The following KIRREL3 variants were observed in gnomAD, a reference collection of about 807,000 sequenced individuals.
The protein encoded by KIRREL3 is kirre like nephrin family adhesion molecule 3, also known as kin of IRRE-like protein 3.
In KIRREL3, 36 loss-of-function variants were observed where a neutral mutation model predicts 89.7. The observed-to-expected ratio is 0.40, with a 90% CI of 0.31 to 0.53. The LOEUF is 0.53. KIRREL3 is among the 20% of genes least tolerant of loss of function. The pLI is 0.49. For synonymous variants in KIRREL3, 445 were observed against 441.4 expected, an observed-to-expected ratio of 1.01 and a Z score of -0.10; for missense variants, 864 against 1,056.6, an observed-to-expected ratio of 0.82 and a Z score of 2.53.
intron 4 of KIRREL3, among the ~76,000 whole-genome samples, chr11:126,509,510 C>T (rs989192736): frequency 1.3e-5 from 2 of 152,214 alleles, no homozygotes; most frequent in African/African-American, 4.8e-5. Context: ...TCAGGTTCTC[C>T]ATCCTCTTTT....
chr11:126,938,691 ACT>A (rs1948308978), intron 1 of KIRREL3, among the ~76,000 whole-genome samples: 1 of 152,188 alleles, frequency 6.6e-6, no homozygotes, highest in Non-Finnish European at 1.5e-5. Context: ...CAACTGTCAT[ACT>A]CTAAACTGTA....
At chr11:126,743,676 G>A (rs957516086) in intron 1 of KIRREL3, among the ~76,000 whole-genome samples, 2 of 152,172 alleles carry the variant, frequency 1.3e-5, no homozygotes, top group African/African-American at 4.8e-5. Context: ...CCTTATTTAT[G>A]CAATTTACTT....
chr11:126,571,779 A>G lies in KIRREL3; in HGVS notation c.56-8867T>C, dbSNP rs1043435291. Among the ~76,000 whole-genome samples, 1 of 152,158 alleles carries G rather than the reference A, an allele frequency of 6.6e-6. No individual in the cohort carries two copies. On this transcript the variant is annotated intron_variant, in intron 1 of 16. Coordinates refer to ENST00000525144, the MANE Select transcript of KIRREL3 (RefSeq NM_032531.4). This position sits in a 1 kb window ranked among gnomAD's most constrained non-coding sequence, Gnocchi z 7.7. ...AGAGGGGTGGGGCGGGGGGATGTTA[A>G]ATAATGTTGGTTAAAGAATTTTACG... is the stretch of plus-strand genomic sequence containing the variant.
chr11:126,466,369 C>T (rs952834131), intron 5 of KIRREL3, among the ~76,000 whole-genome samples: 3 of 152,218 alleles, frequency 2.0e-5, no homozygotes, highest in East Asian at 1.9e-4. Context: ...CCCTAGCTCG[C>T]GGGGGACCCC....
rs539594828 is a variant in KIRREL3, at chr11:126,434,724, C to G, written c.1588+544G>C. Among the ~76,000 whole-genome samples, 18 of 152,280 alleles carry G rather than the reference C, an allele frequency of 1.2e-4. 1 individual carries two copies. In the South Asian group the frequency reaches 3.5e-3, roughly 30 times the overall value. The stretch of plus-strand genomic sequence containing the variant: ...TGCTGCGTGTGCCTGGGGAGGGAGG[C>G]GCTGCCCTGCAGCCTCAGCTTGGGG... On this transcript the variant is annotated intron_variant, in intron 13 of 16. Coordinates refer to ENST00000525144, the MANE Select transcript of KIRREL3 (RefSeq NM_032531.4).
Position 126,474,369 on chromosome 11 carries a change from G to A in KIRREL3, c.434-903C>T, listed in dbSNP as rs372580881. On this transcript the variant is annotated intron_variant, in intron 4 of 16. Transcript: ENST00000525144. This position sits in a 1 kb window ranked among gnomAD's most constrained non-coding sequence, Gnocchi z 6.7. The stretch of plus-strand genomic sequence containing the variant: ...AGATCCGGAAGCCGAGTTCCAGCAA[G>A]ATTAGTGACTGGCTCAAGGTCACAT... Among the ~76,000 whole-genome samples, 8 of 152,368 alleles carry A rather than the reference G, an allele frequency of 5.3e-5. No individual in the cohort carries two copies. In the East Asian group the frequency reaches 7.7e-4, roughly 15 times the overall value.
rs370582411 is a variant in KIRREL3, at chr11:126,753,240, A to G, written c.56-190328T>C. On this transcript the variant is annotated intron_variant, in intron 1 of 16. Coordinates refer to ENST00000525144, the MANE Select transcript of KIRREL3 (RefSeq NM_032531.4). ...CACCAGAGGAGGCCTCACCACTCAA[A>G]GCAACCTGGCTCAGAGCAGACAGAG... Among the ~76,000 whole-genome samples, 33 of 152,288 alleles carry G rather than the reference A, an allele frequency of 2.2e-4. 2 individuals carry two copies. Among genetic ancestry groups the G allele is most frequent in the African/African-American group, 7.7e-4 (32 of 41,554 alleles).
chr11:126,452,765 G>A (rs1038061847), intron 7 of KIRREL3, among the ~76,000 whole-genome samples: 1 of 152,162 alleles, frequency 6.6e-6, no homozygotes, highest in Non-Finnish European at 1.5e-5. Context: ...GCCGCTGTCG[G>A]GGCTGGGTCC....
chr11:126,892,624 T>C lies in KIRREL3; in HGVS notation c.55+107831A>G, dbSNP rs1945969802. Among the ~76,000 whole-genome samples the C allele has an allele frequency of 6.6e-6, 1 of 152,226 alleles. No homozygotes were observed. Among genetic ancestry groups the C allele is most frequent in the Non-Finnish European group, 1.5e-5 (1 of 68,048 alleles). ...TGCATGTGCACGTGTGTATGTATTA[T>C]GTGTGTGTGTTTCCGGTGGGCAGGT... On this transcript the variant is annotated intron_variant, in intron 1 of 16. Transcript: ENST00000525144. This position sits in a 1 kb window ranked among gnomAD's most constrained non-coding sequence, Gnocchi z 5.4.
rs948191797 is a variant in KIRREL3, at chr11:126,747,592, C to T, written c.56-184680G>A. ...CGTGGCTGTGCTCACAGAAAAGGCACTGTATATCCCTCTTTCGTGGTATTA... is the reference window on the plus strand; with the variant it reads ...CGTGGCTGTGCTCACAGAAAAGGCATTGTATATCCCTCTTTCGTGGTATTA... On this transcript the variant is annotated intron_variant, in intron 1 of 16. Coordinates refer to ENST00000525144, the MANE Select transcript of KIRREL3 (RefSeq NM_032531.4). This position sits in a 1 kb window ranked among gnomAD's most constrained non-coding sequence, Gnocchi z 4.7. Among the ~76,000 whole-genome samples the T allele has an allele frequency of 2.0e-5, 3 of 152,194 alleles. No individual in the cohort carries two copies. The highest frequency in any genetic ancestry group is 2.1e-4 in the South Asian group (1 of 4,824).
Position 126,805,348 on chromosome 11 carries a change from C to T in KIRREL3, c.55+195107G>A, listed in dbSNP as rs530052156. ...ATATGGAGAGGGAAAGGAGATTACC[C>T]TATTACAAGTCATACTGGGTGGAGG... is the stretch of plus-strand genomic sequence containing the variant. On this transcript the variant is annotated intron_variant, in intron 1 of 16. Transcript: ENST00000525144. This position sits in a 1 kb window ranked among gnomAD's most constrained non-coding sequence, Gnocchi z 4.3. Among the ~76,000 whole-genome samples, 1 of 152,232 alleles carries T rather than the reference C, an allele frequency of 6.6e-6. No individual in the cohort carries two copies. The highest frequency in any genetic ancestry group is 1.9e-4 in the East Asian group (1 of 5,176).
intron 9 of KIRREL3, among the ~76,000 whole-genome samples, chr11:126,446,315 CCTT>C (rs1955811524): frequency 2.1e-5 from 3 of 143,442 alleles, no homozygotes; most frequent in East Asian, 2.0e-4. Context: ...TCTCTCTCTT[CCTT>C]TCTTCCTTTC....
At position 126,623,502 on chromosome 11, in the gene KIRREL3, T is replaced by C. The variant is rs1234946963; in HGVS notation, c.56-60590A>G. Among the ~76,000 whole-genome samples the C allele has an allele frequency of 6.6e-6, 1 of 152,142 alleles. No individual in the cohort carries two copies. ...TACGCGGCTCTGTGTGCTGGTGAGA[T>C]TTTGTAGCCACTGGAATGATCAGAA... On this transcript the variant is annotated intron_variant, in intron 1 of 16. Transcript: ENST00000525144. The surrounding 1 kb of genome is among the most constrained non-coding windows in gnomAD (Gnocchi z 4.1).
rs4937156 is a variant in KIRREL3, at chr11:126,608,749, T to C, written c.56-45837A>G. Among the ~76,000 whole-genome samples, 36,681 of 152,138 alleles carry C rather than the reference T, an allele frequency of 0.24. 4,651 individuals carry two copies. Among genetic ancestry groups the C allele is most frequent in the East Asian group, 0.42 (2,153 of 5,170 alleles). On this transcript the variant is annotated intron_variant, in intron 1 of 16. Coordinates refer to ENST00000525144, the MANE Select transcript of KIRREL3 (RefSeq NM_032531.4). The surrounding 1 kb of genome is among the most constrained non-coding windows in gnomAD (Gnocchi z 4.9). ...CAGGGGGCTGTCCAGAGGCAGAGCA[T>C]TGGGCCTGCTGGCAAACTGCTAACT...
Position 126,917,055 on chromosome 11 carries a change from C to T in KIRREL3, c.55+83400G>A, listed in dbSNP as rs537369601. Among the ~76,000 whole-genome samples the T allele has an allele frequency of 5.9e-5, 9 of 152,280 alleles. No homozygotes were observed. The highest frequency in any genetic ancestry group is 1.2e-4 in the Non-Finnish European group (8 of 68,032). On this transcript the variant is annotated intron_variant, in intron 1 of 16. Transcript: ENST00000525144. This position sits in a 1 kb window ranked among gnomAD's most constrained non-coding sequence, Gnocchi z 5.0. Reference sequence around the variant, plus strand: ...ATAACCAAAAAGTAGAAGTCACCCACGTGTCTAACAGATGAATGCAAACAC... The same window carrying T: ...ATAACCAAAAAGTAGAAGTCACCCATGTGTCTAACAGATGAATGCAAACAC...
rs986507757 is a variant in KIRREL3, at chr11:126,754,420, G to A, written c.56-191508C>T. On this transcript the variant is annotated intron_variant, in intron 1 of 16. Coordinates refer to ENST00000525144, the MANE Select transcript of KIRREL3 (RefSeq NM_032531.4). This position sits in a 1 kb window ranked among gnomAD's most constrained non-coding sequence, Gnocchi z 5.1. ...GTCTCTGGTCTTCAATTCAGACCGTGTAACTAGGCTGGATGCCTGGTTGAA... is the reference window on the plus strand; with the variant it reads ...GTCTCTGGTCTTCAATTCAGACCGTATAACTAGGCTGGATGCCTGGTTGAA... Among the ~76,000 whole-genome samples the A allele has an allele frequency of 3.0e-4, 45 of 152,278 alleles. No homozygotes were observed. Among genetic ancestry groups the A allele is most frequent in the African/African-American group, 1.1e-3 (44 of 41,554 alleles).
In KIRREL3 at chr11:126,953,064, C is replaced by T. The variant is rs1422213630; in HGVS notation, c.55+47391G>A. 6.6e-6 allele frequency among the ~76,000 whole-genome samples: 1 copy of T among 152,146 alleles called. No individual in the cohort carries two copies. The highest frequency in any genetic ancestry group is 1.5e-5 in the Non-Finnish European group (1 of 68,028). On this transcript the variant is annotated intron_variant, in intron 1 of 16. Coordinates refer to ENST00000525144, the MANE Select transcript of KIRREL3 (RefSeq NM_032531.4). The surrounding 1 kb of genome is among the most constrained non-coding windows in gnomAD (Gnocchi z 5.2). The stretch of plus-strand genomic sequence containing the variant: ...TTTATTGCAGCACTGTTCACAATAA[C>T]AAAGACTTGGAACCAATCCAAATGC...
chr11:126,503,711 A>T (rs1261942738), intron 4 of KIRREL3, among the ~76,000 whole-genome samples: 1 of 152,160 alleles, frequency 6.6e-6, no homozygotes, highest in Non-Finnish European at 1.5e-5. Context: ...TAAGCTCATC[A>T]GGGTGGAACC....
chr11:126,861,936 C>A lies in KIRREL3; in HGVS notation c.55+138519G>T, dbSNP rs188518593. Reference sequence around the variant, plus strand: ...AGCTTCTGGGCACCTGTCTCTAAACCTTTCCCATCAGACCAGTTGAGTGCA... The same window carrying A: ...AGCTTCTGGGCACCTGTCTCTAAACATTTCCCATCAGACCAGTTGAGTGCA... On this transcript the variant is annotated intron_variant, in intron 1 of 16. Coordinates refer to ENST00000525144, the MANE Select transcript of KIRREL3 (RefSeq NM_032531.4). 2.7e-3 allele frequency among the ~76,000 whole-genome samples: 418 copies of A among 152,316 alleles called. 5 individuals carry two copies. The highest frequency in any genetic ancestry group is 8.1e-4 in the Non-Finnish European group (55 of 68,024).
Sources: gnomAD v4.1 joint callset for allele counts (sites outside exome capture counted in the v4.1 genomes callset) on GRCh38, gnomAD v4.1.1 for gene constraint, Gnocchi (gnomAD v3.1) non-coding constraint, MANE v1.5 for transcripts, NCBI Gene and HGNC (gene_info 2026-07-23, HGNC 2026-07-21) for gene names.